The following NFASC variants were observed in gnomAD, a reference collection of about 807,000 sequenced individuals.
NFASC encodes neurofascin.
NFASC carries 43 observed loss-of-function variants against 147.5 expected under a neutral mutation model. The ratio of observed to expected loss-of-function variants is 0.29; its 90% CI spans 0.23 to 0.38. The LOEUF is 0.38. Among genes scored for constraint, NFASC ranks in the 10% least tolerant of loss-of-function variants. The pLI is 1.00. For synonymous variants in NFASC, 622 were observed against 665.5 expected (o/e 0.93, Z 1.01); for missense variants, 1,320 against 1,689.0 (o/e 0.78, Z 3.83).
At position 204,954,070 on chromosome 1, in the gene NFASC, C is replaced by A; in HGVS notation, c.216-118C>A. On this transcript the variant is annotated intron_variant, in intron 5 of 29. Transcript: ENST00000339876. The surrounding 1 kb of genome is among the most constrained non-coding windows in gnomAD (Gnocchi z 5.7). Reference sequence around the variant, plus strand: ...TGAGACCTGTTGGTATGGGGTGCCACGATGGGACTGAGAGAGGGAATTTTG... The same window carrying A: ...TGAGACCTGTTGGTATGGGGTGCCAAGATGGGACTGAGAGAGGGAATTTTG... 1 of 849,286 alleles carries A rather than the reference C, an allele frequency of 1.2e-6. No homozygotes were observed. Among genetic ancestry groups the A allele is most frequent in the Non-Finnish European group, 1.9e-6 (1 of 524,908 alleles). The allele number at this position is 849,286 out of a possible 1,614,324, so 52.6% of individuals were successfully genotyped here. A position where few individuals can be genotyped will look rare whatever the true frequency, so the allele number is the denominator to read the frequency against.
chr1:204,947,932 TCA>T lies in NFASC; in HGVS notation c.92-2621_92-2620del, dbSNP rs1248982771. Reference sequence around the variant, plus strand: ...CATGCACACTCACACCCACTCACACTCACACCCTCACATATCCTCACATGCTC... The same window carrying T: ...CATGCACACTCACACCCACTCACACTCACCCTCACATATCCTCACATGCTC... On this transcript the variant is annotated intron_variant, in intron 3 of 29. Transcript: ENST00000339876. 6.6e-5 allele frequency among the ~76,000 whole-genome samples: 10 copies of T among 151,338 alleles called. No homozygotes were observed. In the East Asian group the frequency reaches 1.9e-3, roughly 29 times the overall value.
At chr1:204,903,702 G>A (rs2085158149) in intron 1 of NFASC, among the ~76,000 whole-genome samples, 1 of 152,224 alleles carries the variant, frequency 6.6e-6, no homozygotes, top group African/African-American at 2.4e-5. Context: ...CTCTGGCCAG[G>A]TCATGTTGAC....
intron 24 of NFASC, among the ~76,000 whole-genome samples, chr1:204,991,798 GC>G (rs2095742807): frequency 6.6e-6 from 1 of 152,224 alleles, no homozygotes; most frequent in South Asian, 2.1e-4. Flanking sequence ...CTGCATGGGG[GC>G]CCGGCACCGG....
intron 28 of NFASC, among the ~76,000 whole-genome samples, chr1:205,012,162 C>G (rs949045674): frequency 6.6e-6 from 1 of 152,216 alleles, no homozygotes; most frequent in Non-Finnish European, 1.5e-5. Flanking sequence ...TCAAGGGCAC[C>G]GTAGCTGACA....
intron 1 of NFASC, among the ~76,000 whole-genome samples, chr1:204,863,847 CAAAAAAA>C (rs35987665): frequency 3.9e-4 from 24 of 61,726 alleles, no homozygotes; most frequent in East Asian, 5.9e-4. Flanking sequence ...GACTCTGTCT[CAAAAAAA>C]AAAAAAAAAG....
At chr1:204,911,773 G>A (rs1376341942) in intron 1 of NFASC, among the ~76,000 whole-genome samples, 1 of 151,904 alleles carries the variant, frequency 6.6e-6, no homozygotes, top group Non-Finnish European at 1.5e-5. Context: ...TTCCTTTTTT[G>A]AATATTTTTA....
chr1:204,989,556 G>C (rs2095679523), intron 23 of NFASC: 1 of 152,230 alleles, frequency 6.6e-6, no homozygotes. Flanking sequence ...ACCTCTCGAG[G>C]AGGCAAGGCT....
rs2092810506 is a variant in NFASC, at chr1:204,936,182, C to CT, written c.-90-8044_-90-8043insT. Among the ~76,000 whole-genome samples, 8 of 28,812 alleles carry CT rather than the reference C, an allele frequency of 2.8e-4. No homozygotes were observed. In the South Asian group the frequency reaches 7.1e-3, roughly 25 times the overall value. The allele number at this position is 28,812 out of a possible 152,430, so 18.9% of individuals were successfully genotyped here. A position where few individuals can be genotyped will look rare whatever the true frequency, so the allele number is the denominator to read the frequency against. On this transcript the variant is annotated intron_variant, in intron 2 of 29. Coordinates refer to ENST00000339876, the MANE Select transcript of NFASC (RefSeq NM_001005388.3). ...TGTGAAAACCTAGCATTAACAGATT[C>CT]CCTCTCTCTCTCTTTCTTTTTCTTT...
intron 2 of NFASC, among the ~76,000 whole-genome samples, chr1:204,936,198 C>CTTTT (rs749844237): frequency 0.025 from 1,776 of 71,898 alleles, 122 homozygotes; most frequent in Middle Eastern, 0.073. Flanking sequence ...CTCTCTCTTT[C>CTTTT]TTTTTCTTTT....
intron 26 of NFASC, 93 bp from the exon 27 acceptor site, chr1:205,002,503 A>C: frequency 9.0e-7 from 1 of 1,107,454 alleles, no homozygotes. Flanking sequence ...CTTCCCCCAC[A>C]CTTTCTACCT....
chr1:204,949,353 T>A (rs1052805445), intron 3 of NFASC, among the ~76,000 whole-genome samples: 1 of 152,088 alleles, frequency 6.6e-6, no homozygotes, highest in Admixed American at 6.5e-5. Flanking sequence ...CCTCGCCACA[T>A]CTCACTCAAG....
chr1:204,871,530 A>T (rs1282027287), intron 1 of NFASC, among the ~76,000 whole-genome samples: 1 of 152,128 alleles, frequency 6.6e-6, no homozygotes, highest in Non-Finnish European at 1.5e-5. Context: ...GTCCTACGTT[A>T]GTCTTCTCCT....
chr1:204,854,367 G>A (rs139249849), intron 1 of NFASC, among the ~76,000 whole-genome samples: 18 of 152,204 alleles, frequency 1.2e-4, no homozygotes, highest in African/African-American at 4.1e-4. Flanking sequence ...CATAGACCCC[G>A]GTTGCGTTGC....
intron 13 of NFASC, 44 bp from the exon 14 acceptor site, chr1:204,974,613 G>A: frequency 1.2e-6 from 2 of 1,610,478 alleles, no homozygotes; most frequent in Non-Finnish European, 1.7e-6. Flanking sequence ...CCCTTGGGCT[G>A]GTCCTGTCTC....
intron 1 of NFASC, among the ~76,000 whole-genome samples, chr1:204,863,076 T>G (rs1036145300): frequency 6.6e-6 from 1 of 152,024 alleles, no homozygotes; most frequent in African/African-American, 2.4e-5. Flanking sequence ...TGGAGGGAAG[T>G]GATGGGTCAG....
chr1:205,005,998 C>T (rs745324084), intron 27 of NFASC, among the ~76,000 whole-genome samples: 31 of 152,274 alleles, frequency 2.0e-4, no homozygotes, highest in Non-Finnish European at 4.0e-4. Flanking sequence ...AGAACAAGCA[C>T]CAGGAAGATG....
intron 7 of NFASC, among the ~76,000 whole-genome samples, chr1:204,955,212 G>A (rs929182556): frequency 6.6e-6 from 1 of 151,842 alleles, no homozygotes; most frequent in Non-Finnish European, 1.5e-5. Flanking sequence ...TCCTCTTCTG[G>A]AAAAAAACAG....
Position 205,012,206 on chromosome 1 carries a change from C to T in NFASC, c.3422-591C>T, listed in dbSNP as rs147232436. ...ATGAGCACAGAACAAGGCAGAGCCT[C>T]GGCTGAATGCTCACACATCACAGAG... On this transcript the variant is annotated intron_variant, in intron 28 of 29. Transcript: ENST00000339876. Among the ~76,000 whole-genome samples the T allele has an allele frequency of 2.3e-3, 351 of 152,316 alleles. 2 individuals are homozygous for T. The highest frequency in any genetic ancestry group is 8.0e-3 in the African/African-American group (331 of 41,564).
chr1:204,947,666 G>A lies in NFASC; in HGVS notation c.92-2891G>A, dbSNP rs553101999. Among the ~76,000 whole-genome samples the A allele has an allele frequency of 2.0e-4, 26 of 130,008 alleles. No individual in the cohort carries two copies. In the East Asian group the frequency reaches 6.5e-3, roughly 32 times the overall value. 85.3% of individuals were successfully genotyped at this position (130,008 alleles called of 152,430 possible). On this transcript the variant is annotated intron_variant, in intron 3 of 29. Coordinates refer to ENST00000339876, the MANE Select transcript of NFASC (RefSeq NM_001005388.3). ...TATCCAGCCCCAAGGAGAACAGTAT[G>A]ACCTTTGAAAAAAGCCAAGGGTCGC... is the stretch of plus-strand genomic sequence containing the variant.
Sources: allele counts gnomAD v4.1 joint callset (sites outside exome capture counted in the v4.1 genomes callset), GRCh38; gene constraint gnomAD v4.1.1; non-coding constraint Gnocchi (gnomAD v3.1); transcripts MANE v1.5; gene names NCBI Gene and HGNC (gene_info 2026-07-23, HGNC 2026-07-21).